Variants in FAM234A observed in about 807,000 individuals in gnomAD.
FAM234A encodes family with sequence similarity 234 member A, also known as protein FAM234A.
In FAM234A, 42 loss-of-function variants were observed where a neutral mutation model predicts 49.1. The ratio of observed to expected loss-of-function variants is 0.86; its 90% CI spans 0.67 to 1.11. The LOEUF (loss-of-function observed/expected upper bound fraction) is 1.11, where lower values mean the gene tolerates loss of function less well. Ranked by LOEUF, FAM234A falls within the 50% of genes least tolerant of loss-of-function variation. FAM234A has a pLI of 0.00. For missense variants in FAM234A, 815 were observed against 745.2 expected (o/e 1.09, Z -1.09); for synonymous variants, 369 against 316.2 (o/e 1.17, Z -1.77).
intron 3 of FAM234A, 108 bp from the exon 4 acceptor site, chr16:259,375 C>T: frequency 1.5e-6 from 1 of 685,720 alleles, no homozygotes; most frequent in Non-Finnish European, 2.6e-6. Flanking sequence ...GTTGGGTGCC[C>T]TCACAGTGGC....
At chr16:269,398 G>GCGGCTGAGAACA (rs749702204), downstream of FAM234A, 1 of 1,596,588 alleles carries the variant, frequency 6.3e-7, no homozygotes, top group South Asian at 1.1e-5. Flanking sequence ...GGGCGAGAAG[G>GCGGCTGAGAACA]CGGCTGAGAA....
chr16:245,715 A>C (rs6600189), intron 1 of FAM234A, among the ~76,000 whole-genome samples: 8,271 of 152,204 alleles, frequency 0.054, 390 homozygotes, highest in African/African-American at 0.13. Flanking sequence ...AAGTTTCTGA[A>C]TTTATGTTAG....
At chr16:266,098 C>G (rs958871037), downstream of FAM234A, 11 of 985,482 alleles carry the variant, frequency 1.1e-5, no homozygotes, top group African/African-American at 1.9e-4. Flanking sequence ...CCTGAAAAAC[C>G]CCGGTGGTCA....
At chr16:263,649 TCA>T (rs775277950) in intron 9 of FAM234A, 49 bp from the exon 10 acceptor site, 1 of 1,458,212 alleles carries the variant, frequency 6.9e-7, no homozygotes, top group Admixed American at 1.7e-5. Flanking sequence ...TTCCTTCATC[TCA>T]GTCTCCTCAC....
intron 2 of FAM234A, among the ~76,000 whole-genome samples, chr16:252,916 T>G (rs951069754): frequency 6.6e-6 from 1 of 152,178 alleles, no homozygotes. Flanking sequence ...TGCTGTGAAC[T>G]GTTGACTTCC....
At chr16:244,464 G>C (rs1344340949) in intron 1 of FAM234A, among the ~76,000 whole-genome samples, 4 of 152,100 alleles carry the variant, frequency 2.6e-5, no homozygotes, top group African/African-American at 9.7e-5. Context: ...TCATATTAAG[G>C]TAGCTTTGAG....
rs747976922 is a variant in FAM234A at position 254,556 on chromosome 16, G to C, written c.143G>C (p.Arg48Pro). The change falls in exon 3 of 13, where the codon CGA (arginine) becomes CCA (proline). Residue 48 changes from arginine (R) to proline (P), a missense_variant. By Grantham distance (103) the Arg-to-Pro change is moderately radical. Transcript: ENST00000399932. ...CCACAGTCCCGGCTCTCCCGGTGCC[G>C]AGCGGCGGCGTTTTTTCTTTCATTG... ...APPQSRLSRC[R>P]AAAFFLSLFL... 8 of 1,614,192 alleles carry C rather than the reference G, an allele frequency of 5.0e-6. No homozygotes were observed. Among genetic ancestry groups the C allele is most frequent in the Admixed American group, 1.7e-5 (1 of 60,028 alleles).
At chr16:245,138 G>A (rs2050761021) in intron 1 of FAM234A, among the ~76,000 whole-genome samples, 1 of 151,990 alleles carries the variant, frequency 6.6e-6, no homozygotes, top group African/African-American at 2.4e-5. Flanking sequence ...CTTGGGCCCT[G>A]GAGTTTGAGA....
chr16:261,114 C>T (rs2051447427), intron 5 of FAM234A: 1 of 371,514 alleles, frequency 2.7e-6, no homozygotes, highest in African/African-American at 2.1e-5. Context: ...CTGCGGTTCC[C>T]AGGAATGAGG....
chr16:250,197 C>CTGGGACTACAG (rs2050952222), intron 2 of FAM234A, among the ~76,000 whole-genome samples: 1 of 152,224 alleles, frequency 6.6e-6, no homozygotes, highest in East Asian at 1.9e-4. Flanking sequence ...TCTCAAAGTG[C>CTGGGACTACAG]TGGGACTACA....
intron 1 of FAM234A, among the ~76,000 whole-genome samples, chr16:235,732 G>A (rs948620018): frequency 5.9e-5 from 9 of 152,138 alleles, no homozygotes; most frequent in African/African-American, 1.7e-4. Flanking sequence ...AATACTCTCC[G>A]AGTGTCTGCT....
chr16:269,052 C>T (rs1217446999), downstream of FAM234A: 1 of 1,108,066 alleles, frequency 9.0e-7, no homozygotes, highest in Non-Finnish European at 1.3e-6. Flanking sequence ...AACCCCCTCC[C>T]TGGGAATCCA....
At position 254,356 on chromosome 16, in the gene FAM234A, C is replaced by T; in HGVS notation, c.-33-25C>T. The T allele has an allele frequency of 5.7e-6, 9 of 1,591,866 alleles. No individual in the cohort carries two copies. In the South Asian group the frequency reaches 1.0e-4, roughly 18 times the overall value. ...TTGTGCCGTGGGACTGCTGGCCTCG[C>T]CGACCTCTTGCTTTATCGACACAGT... On this transcript the variant is annotated intron_variant, in intron 2 of 12. Coordinates refer to ENST00000399932, the MANE Select transcript of FAM234A (RefSeq NM_032039.4).
At chr16:251,376 TTTG>T (rs1485457917) in intron 2 of FAM234A, among the ~76,000 whole-genome samples, 8 of 152,110 alleles carry the variant, frequency 5.3e-5, no homozygotes, top group Non-Finnish European at 1.0e-4. Flanking sequence ...AGGGTTTTTT[TTTG>T]TTTTGTTTTT....
Position 264,722 on chromosome 16 carries a change from T to C in FAM234A, c.1447+6T>C. 1 of 1,610,538 alleles carries C rather than the reference T, an allele frequency of 6.2e-7. No homozygotes were observed. Among genetic ancestry groups the C allele is most frequent in the Non-Finnish European group, 8.5e-7 (1 of 1,179,458 alleles). ...CCACATTGTCGCCTTTGACGGTGAG[T>C]GTGGCCTCGGCCAGGGACCCGGGTG... On this transcript the variant is annotated splice_donor_region_variant and intron_variant, in intron 12 of 12. Coordinates refer to ENST00000399932, the MANE Select transcript of FAM234A (RefSeq NM_032039.4).
At chr16:256,893 C>A (rs945429770) in intron 3 of FAM234A, among the ~76,000 whole-genome samples, 57 of 152,138 alleles carry the variant, frequency 3.7e-4, no homozygotes, top group Admixed American at 1.7e-3. Context: ...CAGGCATGTG[C>A]CACCACACCC....
rs117792686 is a variant in FAM234A, at chr16:243,258, C to T, written c.-139-6291C>T. ...CCTCCCAAAGCACTAGGATTATAGG[C>T]GTGAACCACCCTGCCCGGCCATGAA... On this transcript the variant is annotated intron_variant, in intron 1 of 12. Transcript: ENST00000399932. Among the ~76,000 whole-genome samples, 928 of 152,258 alleles carry T rather than the reference C, an allele frequency of 6.1e-3. 44 individuals are homozygous for T. The East Asian group carries it at 0.11, about 19-fold the overall frequency.
Position 254,796 on chromosome 16 carries a change from A to G in FAM234A, c.268+115A>G, listed in dbSNP as rs551897624. The G allele has an allele frequency of 1.9e-3, 1,984 of 1,071,440 alleles. 3 individuals are homozygous for G. Among genetic ancestry groups the G allele is most frequent in the Non-Finnish European group, 2.4e-3 (1,750 of 735,916 alleles). The allele number at this position is 1,071,440 out of a possible 1,614,324, so 66.4% of individuals were successfully genotyped here. On this transcript the variant is annotated intron_variant, in intron 3 of 12. Transcript: ENST00000399932. ...GAAGTGGCCTTTAAACAGTGAATCAATCCCAAGAGGCTGCCAGTTCTATGT... is the reference window on the plus strand; with the variant it reads ...GAAGTGGCCTTTAAACAGTGAATCAGTCCCAAGAGGCTGCCAGTTCTATGT...
chr16:241,726 G>A (rs1000605220), intron 1 of FAM234A, among the ~76,000 whole-genome samples: 5 of 151,942 alleles, frequency 3.3e-5, no homozygotes, highest in Admixed American at 6.6e-5. Context: ...GACCATCCTG[G>A]CTAACACAGT....
Sources: allele counts gnomAD v4.1 joint callset (sites outside exome capture counted in the v4.1 genomes callset), GRCh38; gene constraint gnomAD v4.1.1; transcripts MANE v1.5; gene names NCBI Gene and HGNC (gene_info 2026-07-23, HGNC 2026-07-21).